BPTF: variants seen among roughly 807,000 people sequenced by gnomAD.
BPTF encodes the protein nucleosome-remodeling factor subunit BPTF.
Under a neutral mutation model 292.5 loss-of-function variants are expected in BPTF, and 18 were observed. The ratio of observed to expected loss-of-function variants is 0.06; its 90% CI spans 0.04 to 0.09. The LOEUF is 0.09. Ranked by LOEUF, BPTF falls within the 10% of genes least tolerant of loss-of-function variation. BPTF has a pLI of 1.00. For synonymous variants in BPTF, 1,225 were observed against 1,251.9 expected, an observed-to-expected ratio of 0.98 and a Z score of 0.45; for missense variants, 2,726 against 3,498.7, an observed-to-expected ratio of 0.78 and a Z score of 5.57.
chr17:67,867,213 G>T (rs1395979245), intron 3 of BPTF, among the ~76,000 whole-genome samples: 1 of 152,028 alleles, frequency 6.6e-6, no homozygotes, highest in African/African-American at 2.4e-5. Context: ...TCTGCCTTGG[G>T]TCATTACTGA....
intron 13 of BPTF, among the ~76,000 whole-genome samples, chr17:67,921,090 A>T (rs1184310125): frequency 1.3e-5 from 2 of 151,418 alleles, no homozygotes; most frequent in Non-Finnish European, 2.9e-5. Context: ...CATGCCTGTA[A>T]TCCCAGCTAC....
chr17:67,847,099 C>T (rs2058080966), intron 1 of BPTF, among the ~76,000 whole-genome samples: 1 of 152,150 alleles, frequency 6.6e-6, no homozygotes, highest in African/African-American at 2.4e-5. Flanking sequence ...AGTCATTTAG[C>T]CTCTCTATAA....
rs1364777438 is a variant in BPTF at position 67,891,924 on chromosome 17, C to A, written c.1945C>A (p.Arg649=). The change falls in exon 5 of 28, where the codon CGA becomes AGA. Residue 649 remains arginine (R), a synonymous_variant. Coordinates refer to ENST00000306378, the MANE Select transcript of BPTF (RefSeq NM_182641.4). ...GAGKGASGST[R]IITRLRNPDS... ...TGGAAAAGGAGCATCTGGCTCAACT[C>A]GAATCATCACCAGATTGCGGAATCC... is the stretch of plus-strand genomic sequence containing the variant. The A allele has an allele frequency of 6.2e-7, 1 of 1,612,614 alleles. No homozygotes were observed. Among genetic ancestry groups the A allele is most frequent in the Non-Finnish European group, 8.5e-7 (1 of 1,179,520 alleles).
intron 27 of BPTF, among the ~76,000 whole-genome samples, chr17:67,976,679 C>G (rs1247225731): frequency 8.6e-6 from 1 of 116,038 alleles, no homozygotes; most frequent in African/African-American, 3.7e-5. Flanking sequence ...GAGTGAGACC[C>G]TGTCTCAAAA....
intron 1 of BPTF, among the ~76,000 whole-genome samples, chr17:67,842,362 G>C (rs1404211347): frequency 6.6e-6 from 1 of 152,040 alleles, no homozygotes; most frequent in Admixed American, 6.6e-5. Context: ...TCCTCCTTCA[G>C]ACATCCCTCT....
At chr17:67,934,342 A>AC (rs1391430088) in intron 18 of BPTF, among the ~76,000 whole-genome samples, 1 of 151,874 alleles carries the variant, frequency 6.6e-6, no homozygotes, top group African/African-American at 2.4e-5. Flanking sequence ...ACATGGTGAA[A>AC]CCCCTTCTCT....
intron 7 of BPTF, among the ~76,000 whole-genome samples, chr17:67,903,070 T>C (rs2061956311): frequency 6.6e-6 from 1 of 152,258 alleles, no homozygotes; most frequent in Non-Finnish European, 1.5e-5. Flanking sequence ...CCGATGCCTG[T>C]GTCTCATGAT....
chr17:67,897,341 C>CAAAAAAAAAAAAAAAAAAA (rs750678904), intron 7 of BPTF, among the ~76,000 whole-genome samples: 2 of 17,768 alleles, frequency 1.1e-4, no homozygotes, highest in African/African-American at 2.0e-4. Flanking sequence ...AACTCTGTCT[C>CAAAAAAAAAAAAAAAAAAA]AAAAAAAAAA....
At chr17:67,953,575 ATTT>A (rs61682820) in intron 23 of BPTF, among the ~76,000 whole-genome samples, 1 of 133,958 alleles carries the variant, frequency 7.5e-6, no homozygotes, top group Admixed American at 7.7e-5. Context: ...TTGTTCTATA[ATTT>A]TTTTTTTTTT....
intron 27 of BPTF, among the ~76,000 whole-genome samples, chr17:67,979,824 T>C (rs1555695971): frequency 6.6e-6 from 1 of 151,632 alleles, no homozygotes; most frequent in Non-Finnish European, 1.5e-5. Flanking sequence ...GCGGATCACC[T>C]AAGGTCAGGA....
intron 1 of BPTF, among the ~76,000 whole-genome samples, chr17:67,842,083 C>G (rs893359164): frequency 6.6e-6 from 1 of 152,034 alleles, no homozygotes; most frequent in African/African-American, 2.4e-5. Flanking sequence ...TTTCTTTATT[C>G]TAGCGCCCCT....
chr17:67,901,475 T>C, intron 7 of BPTF, among the ~76,000 whole-genome samples: 1 of 152,204 alleles, frequency 6.6e-6, no homozygotes, highest in Non-Finnish European at 1.5e-5. Flanking sequence ...AAAAATGTTA[T>C]TGTAATCAAA....
At chr17:67,944,916 C>T (rs569330163) in intron 20 of BPTF, among the ~76,000 whole-genome samples, 1 of 28,700 alleles carries the variant, frequency 3.5e-5, no homozygotes, top group Admixed American at 6.8e-4. Context: ...GTACAGGGGA[C>T]AGCCAAGAAG....
At chr17:67,864,379 T>C (rs1198963418) in intron 2 of BPTF, among the ~76,000 whole-genome samples, 2 of 151,782 alleles carry the variant, frequency 1.3e-5, no homozygotes, top group Non-Finnish European at 2.9e-5. Context: ...ATACAAAAAT[T>C]AGCTGGGCGT....
At chr17:67,844,817 C>T (rs1011095493) in intron 1 of BPTF, among the ~76,000 whole-genome samples, 1 of 152,078 alleles carries the variant, frequency 6.6e-6, no homozygotes, top group Non-Finnish European at 1.5e-5. Flanking sequence ...GATCTCGGCT[C>T]ACCGCAACCT....
intron 4 of BPTF, among the ~76,000 whole-genome samples, chr17:67,888,413 C>G (rs1014544606): frequency 1.3e-5 from 2 of 151,688 alleles, no homozygotes; most frequent in African/African-American, 4.8e-5. Context: ...ATAGTGAAAC[C>G]CTGTCTCTAC....
intron 24 of BPTF, among the ~76,000 whole-genome samples, chr17:67,961,151 T>TTA (rs1442238874): frequency 6.6e-6 from 1 of 152,222 alleles, no homozygotes; most frequent in Non-Finnish European, 1.5e-5. Context: ...TTTGGCCTGT[T>TTA]TAGAGTATTC....
intron 27 of BPTF, 128 bp downstream of exon 27, chr17:67,976,086 A>C: frequency 2.9e-6 from 2 of 692,752 alleles, no homozygotes; most frequent in South Asian, 3.1e-5. Flanking sequence ...AAAAAAATAA[A>C]TAAATCAAGA....
intron 26 of BPTF, among the ~76,000 whole-genome samples, chr17:67,967,192 A>G (rs1434738258): frequency 6.7e-6 from 1 of 148,626 alleles, no homozygotes; most frequent in Non-Finnish European, 1.5e-5. Flanking sequence ...GCCAGGCTGG[A>G]GTGTACTAGC....
Sources: allele counts gnomAD v4.1 joint callset (sites outside exome capture counted in the v4.1 genomes callset), GRCh38; gene constraint gnomAD v4.1.1; transcripts MANE v1.5; gene names NCBI Gene and HGNC (gene_info 2026-07-23, HGNC 2026-07-21).